Variants in UPP2 observed in about 807,000 individuals in gnomAD.
UPP2 encodes the protein uridine phosphorylase 2.
In UPP2, 23 loss-of-function variants were observed where a neutral mutation model predicts 26.7. The ratio of observed to expected loss-of-function variants is 0.86; its 90% CI spans 0.62 to 1.22. The LOEUF (loss-of-function observed/expected upper bound fraction) is 1.22. UPP2 is among the 50% of genes most tolerant of loss of function. UPP2 has a pLI of 0.00. For missense variants in UPP2, 387 were observed against 396.7 expected (o/e 0.98, Z 0.21); for synonymous variants, 127 against 141.3 (o/e 0.90, Z 0.72).
intron 3 of UPP2, among the ~76,000 whole-genome samples, chr2:158,058,292 C>CAAAAAAAAAAA (rs57994785): frequency 2.6e-5 from 1 of 38,806 alleles, no homozygotes; most frequent in Non-Finnish European, 5.2e-5. Context: ...GACTCCGTCT[C>CAAAAAAAAAAA]AAAAAAAAAA....
At chr2:158,098,293 T>C (rs576883679), upstream of UPP2, among the ~76,000 whole-genome samples, 1 of 152,232 alleles carries the variant, frequency 6.6e-6, no homozygotes, top group South Asian at 2.1e-4. Flanking sequence ...GCTATCCCTA[T>C]CCAACTAGGC....
chr2:158,133,507 G>C (rs1683867427), intron 6 of UPP2, among the ~76,000 whole-genome samples: 1 of 152,054 alleles, frequency 6.6e-6, no homozygotes, highest in African/African-American at 2.4e-5. Flanking sequence ...TAAGAGAGTA[G>C]ATTTTAATTG....
intron 3 of UPP2, among the ~76,000 whole-genome samples, chr2:158,047,144 C>T (rs1399885111): frequency 1.3e-5 from 2 of 152,232 alleles, no homozygotes; most frequent in African/African-American, 4.8e-5. Flanking sequence ...TGCATTTGTT[C>T]TAAGTTTCAT....
chr2:158,103,973 G>T (rs903557983), intron 1 of UPP2, among the ~76,000 whole-genome samples: 1 of 152,164 alleles, frequency 6.6e-6, no homozygotes, highest in African/African-American at 2.4e-5. Context: ...AACTAGGTAC[G>T]TATGACCCAG....
At chr2:158,011,472 A>C (rs1223919160) in intron 2 of UPP2, among the ~76,000 whole-genome samples, 1 of 151,972 alleles carries the variant, frequency 6.6e-6, no homozygotes. Flanking sequence ...TTTCCCATAA[A>C]GTTTTGAAAA....
intron 3 of UPP2, among the ~76,000 whole-genome samples, chr2:158,030,033 A>G (rs1364870446): frequency 6.6e-6 from 1 of 152,220 alleles, no homozygotes; most frequent in Non-Finnish European, 1.5e-5. Context: ...GTCAACTTAT[A>G]GAATGAATGG....
chr2:158,069,591 C>G (rs977979597), intron 3 of UPP2, among the ~76,000 whole-genome samples: 3 of 152,116 alleles, frequency 2.0e-5, no homozygotes, highest in African/African-American at 7.2e-5. Flanking sequence ...CCCCTAGAAC[C>G]CTTTGTGTTC....
intron 3 of UPP2, among the ~76,000 whole-genome samples, chr2:158,088,646 G>A (rs538456214): frequency 6.6e-6 from 1 of 152,288 alleles, no homozygotes; most frequent in East Asian, 1.9e-4. Flanking sequence ...AAGGGCTGCT[G>A]TTCAGATTCT....
At chr2:158,070,316 T>C (rs1039933537) in intron 3 of UPP2, among the ~76,000 whole-genome samples, 8 of 152,174 alleles carry the variant, frequency 5.3e-5, no homozygotes, top group African/African-American at 1.9e-4. Flanking sequence ...AGATAGGACA[T>C]CTCTACCCAT....
chr2:158,002,446 C>T (rs1431753219), intron 2 of UPP2, among the ~76,000 whole-genome samples: 1 of 152,218 alleles, frequency 6.6e-6, no homozygotes, highest in African/African-American at 2.4e-5. Flanking sequence ...TTGAATCCTA[C>T]ATTTTCCTTT....
At chr2:158,032,646 CG>C (rs933234505) in intron 3 of UPP2, among the ~76,000 whole-genome samples, 35 of 151,886 alleles carry the variant, frequency 2.3e-4, no homozygotes, top group Middle Eastern at 3.4e-3. Flanking sequence ...TTTGGGGCTA[CG>C]GGGAGCATTG....
intron 3 of UPP2, among the ~76,000 whole-genome samples, chr2:158,086,427 C>A (rs1009547440): frequency 2.0e-5 from 3 of 151,954 alleles, no homozygotes; most frequent in Admixed American, 2.0e-4. Context: ...TTTTATTTAT[C>A]TTTTCAAAGA....
At chr2:158,058,373 G>GCT (rs869246675) in intron 3 of UPP2, among the ~76,000 whole-genome samples, 398 of 37,526 alleles carry the variant, frequency 0.011, 4 homozygotes, top group South Asian at 0.029. Flanking sequence ...ATGCTTGTAT[G>GCT]CTCTCTCTCT....
intron 3 of UPP2, among the ~76,000 whole-genome samples, chr2:158,040,511 T>G (rs879587009): frequency 2.6e-5 from 4 of 152,252 alleles, no homozygotes; most frequent in Non-Finnish European, 4.4e-5. Flanking sequence ...GCTATTTTTA[T>G]CTTACCTATG....
chr2:158,034,979 A>G (rs1428535878), intron 3 of UPP2, among the ~76,000 whole-genome samples: 1 of 152,180 alleles, frequency 6.6e-6, no homozygotes, highest in Non-Finnish European at 1.5e-5. Flanking sequence ...CTGGCCTGGC[A>G]TCAAATGGGG....
intron 2 of UPP2, 72 bp from the exon 3 acceptor site, chr2:158,115,029 A>G: frequency 7.1e-7 from 1 of 1,404,044 alleles, no homozygotes; most frequent in Non-Finnish European, 9.4e-7. Context: ...AAATAAAAAC[A>G]TTAGAGTTGA....
chr2:158,070,602 T>TG (rs1234036993), intron 3 of UPP2, among the ~76,000 whole-genome samples: 2 of 152,336 alleles, frequency 1.3e-5, no homozygotes, highest in South Asian at 2.1e-4. Context: ...CCACTGTTTA[T>TG]GGGGGGCGGA....
At chr2:158,029,262 G>A (rs1312382722) in intron 3 of UPP2, among the ~76,000 whole-genome samples, 4 of 152,118 alleles carry the variant, frequency 2.6e-5, no homozygotes, top group Non-Finnish European at 4.4e-5. Flanking sequence ...GCAGCACTTC[G>A]TAACTGAGTT....
intron 2 of UPP2, among the ~76,000 whole-genome samples, chr2:158,014,127 G>C (rs1476002836): frequency 2.6e-5 from 4 of 152,176 alleles, no homozygotes; most frequent in Non-Finnish European, 5.9e-5. Context: ...CATTTACTAC[G>C]CATCTGCTTT....
Sources: allele counts gnomAD v4.1 joint callset (sites outside exome capture counted in the v4.1 genomes callset), GRCh38; gene constraint gnomAD v4.1.1; transcripts MANE v1.5; gene names NCBI Gene and HGNC (gene_info 2026-07-23, HGNC 2026-07-21).